Variants in HBP1 observed in about 807,000 individuals in gnomAD.
HBP1 encodes HMG box-containing protein 1.
Under a neutral mutation model 62.6 loss-of-function variants are expected in HBP1, and 20 were observed. The ratio of observed to expected loss-of-function variants is 0.32; its 90% CI spans 0.22 to 0.46. The LOEUF (loss-of-function observed/expected upper bound fraction) is 0.46, where lower values mean the gene tolerates loss of function less well. Ranked by LOEUF, HBP1 falls within the 20% of genes least tolerant of loss-of-function variation. HBP1 has a pLI of 1.00. For missense variants in HBP1, 480 were observed against 611.8 expected, an observed-to-expected ratio of 0.78 and a Z score of 2.27; for synonymous variants, 232 against 206.2, an observed-to-expected ratio of 1.12 and a Z score of -1.07.
chr7:107,198,676 C>G (rs893062615), intron 9 of HBP1, among the ~76,000 whole-genome samples: 1 of 146,390 alleles, frequency 6.8e-6, no homozygotes, highest in Non-Finnish European at 1.5e-5. Context: ...TGCCTTAATT[C>G]AATGAATAAA....
intron 8 of HBP1, among the ~76,000 whole-genome samples, chr7:107,191,848 C>A (rs866235794): frequency 6.6e-6 from 1 of 152,182 alleles, no homozygotes; most frequent in Non-Finnish European, 1.5e-5. Context: ...TCCCTAAAGA[C>A]TAGCCCCCAG....
At chr7:107,172,099 C>T (rs1039993189) in intron 1 of HBP1, among the ~76,000 whole-genome samples, 2 of 151,626 alleles carry the variant, frequency 1.3e-5, no homozygotes, top group African/African-American at 4.8e-5. Flanking sequence ...TTTGGTGCTT[C>T]ATAATTTCTA....
Position 107,182,561 on chromosome 7 carries a change from A to G in HBP1, c.358A>G (p.Ser120Gly). 6.2e-7 allele frequency: 1 copy of G among 1,607,726 alleles called. No individual in the cohort carries two copies. The highest frequency in any genetic ancestry group is 8.5e-7 in the Non-Finnish European group (1 of 1,174,294). Residue 120 changes from serine to glycine, a missense_variant, in exon 3 of 11, where the codon AGT becomes GGT. This residue lies in a region of HBP1 where 304 missense variants were observed against 330.9 expected (regional missense o/e 0.92). Coordinates refer to ENST00000222574, the MANE Select transcript of HBP1 (RefSeq NM_012257.4). Reference protein sequence around the residue: ...WLTELANIATSPQSPLMQCSF... With the variant: ...WLTELANIATGPQSPLMQCSF... ...AACAGAATTGGCAAATATCGCGACC[A>G]GTCCACAAAGTCCACTGATGCAGTG...
chr7:107,182,256 T>C, intron 2 of HBP1, 117 bp from the exon 3 acceptor site: 1 of 626,402 alleles, frequency 1.6e-6, no homozygotes, highest in Non-Finnish European at 2.8e-6. Context: ...AATTTATGAT[T>C]TTCCTCTCTC....
Position 107,171,067 on chromosome 7 carries a change from A to ATTT in HBP1, c.-16+1883_-16+1884insTTT, listed in dbSNP as rs1395508929. Among the ~76,000 whole-genome samples, 39 of 66,666 alleles carry ATTT rather than the reference A, an allele frequency of 5.9e-4. 4 individuals carry two copies. Among genetic ancestry groups the ATTT allele is most frequent in the African/African-American group, 5.0e-3 (36 of 7,184 alleles). The allele number at this position is 66,666 out of a possible 152,430, so 43.7% of individuals were successfully genotyped here. ...TATAAATATATATATATATATATAT[A>ATTT]TATATATTTTTTTTTTTTTTTGAGA... On this transcript the variant is annotated intron_variant, in intron 1 of 10. Transcript: ENST00000222574.
Position 107,180,030 on chromosome 7 carries a change from G to T in HBP1, c.137G>T (p.Gly46Val), listed in dbSNP as rs1375455101. ...QCNENLPSSP[G>V]YNSCDEHMEL... Reference sequence around the variant, plus strand: ...AATGAGAATTTGCCATCTTCACCTGGATATAACTCCTGTGATGAACACATG... The same window carrying T: ...AATGAGAATTTGCCATCTTCACCTGTATATAACTCCTGTGATGAACACATG... The change falls in exon 2 of 11, where the codon GGA (glycine) becomes GTA (valine). Residue 46 changes from glycine (G) to valine (V), a missense_variant. Physicochemically the swap from Gly to Val is moderately radical, Grantham distance 109 (BLOSUM62 -3). Transcript: ENST00000222574. 6.2e-7 allele frequency: 1 copy of T among 1,601,050 alleles called. No homozygotes were observed. Among genetic ancestry groups the T allele is most frequent in the Admixed American group, 1.7e-5 (1 of 59,888 alleles).
At chr7:107,182,259 C>T in intron 2 of HBP1, 114 bp from the exon 3 acceptor site, 1 of 628,362 alleles carries the variant, frequency 1.6e-6, no homozygotes, top group Non-Finnish European at 2.8e-6. Context: ...TTATGATTTT[C>T]CTCTCTCAAA....
intron 1 of HBP1, among the ~76,000 whole-genome samples, chr7:107,177,843 C>CT (rs1562886794): frequency 6.6e-6 from 1 of 151,908 alleles, no homozygotes; most frequent in African/African-American, 2.4e-5. Context: ...AATCATATTC[C>CT]TTTTTTTCCA....
At chr7:107,196,187 G>GT (rs754090828) in intron 9 of HBP1, 36 bp downstream of exon 9, 4 of 1,130,900 alleles carry the variant, frequency 3.5e-6, no homozygotes, top group Non-Finnish European at 5.4e-6. Flanking sequence ...CAATAAATGA[G>GT]TAACACTTCA....
intron 3 of HBP1, among the ~76,000 whole-genome samples, chr7:107,185,368 A>G (rs1797303125): frequency 6.6e-6 from 1 of 152,218 alleles, no homozygotes; most frequent in Non-Finnish European, 1.5e-5. Context: ...TGGTTGGTAG[A>G]TAAAGAGTTC....
At position 107,181,471 on chromosome 7, in the gene HBP1, CA is replaced by C. The variant is rs201310736; in HGVS notation, c.170-893del. Among the ~76,000 whole-genome samples the C allele has an allele frequency of 5.1e-3, 761 of 148,972 alleles. 3 individuals carry two copies. The highest frequency in any genetic ancestry group is 0.016 in the African/African-American group (646 of 40,634). On this transcript the variant is annotated intron_variant, in intron 2 of 10. Coordinates refer to ENST00000222574, the MANE Select transcript of HBP1 (RefSeq NM_012257.4). ...TGGGCAACAGAGTAAGACCCTATCT[CA>C]AAAAAAAATTTTTTTTTTTTTAAGA...
chr7:107,184,038 A>G (rs866607711), intron 3 of HBP1, among the ~76,000 whole-genome samples: 1 of 152,230 alleles, frequency 6.6e-6, no homozygotes, highest in African/African-American at 2.4e-5. Context: ...TAATTTTCAC[A>G]GAGTATTTAG....
At chr7:107,172,917 A>T (rs1172333823) in intron 1 of HBP1, among the ~76,000 whole-genome samples, 1 of 152,188 alleles carries the variant, frequency 6.6e-6, no homozygotes, top group African/African-American at 2.4e-5. Flanking sequence ...AAATAAAAAA[A>T]ACAGGTCCAA....
At chr7:107,201,067 A>G (rs533930749) in intron 10 of HBP1, 11 of 193,668 alleles carry the variant, frequency 5.7e-5, no homozygotes, top group Admixed American at 4.7e-4. Flanking sequence ...AATGCAGGTC[A>G]TATCTGTTTA....
At chr7:107,175,790 C>T (rs1796814458) in intron 1 of HBP1, among the ~76,000 whole-genome samples, 1 of 150,446 alleles carries the variant, frequency 6.6e-6, no homozygotes, top group Non-Finnish European at 1.5e-5. Context: ...AATCCCAGCT[C>T]ACTGCAAGCT....
At position 107,202,301 on chromosome 7, in the gene HBP1, C is replaced by T. The variant is rs1201904121; in HGVS notation, c.*870C>T. On this transcript the variant is annotated 3_prime_UTR_variant, in exon 11 of 11. Coordinates refer to ENST00000222574, the MANE Select transcript of HBP1 (RefSeq NM_012257.4). ...GCAACACTTGCACTTTAATTTTCCTCCAACTGTCTAAAATTAGAGCAAATA... is the reference window on the plus strand; with the variant it reads ...GCAACACTTGCACTTTAATTTTCCTTCAACTGTCTAAAATTAGAGCAAATA... 6.6e-6 allele frequency: 1 copy of T among 152,632 alleles called. No homozygotes were observed. Among genetic ancestry groups the T allele is most frequent in the Non-Finnish European group, 1.5e-5 (1 of 68,030 alleles). 9.5% of individuals were successfully genotyped at this position (152,632 alleles called of 1,614,324 possible).
intron 1 of HBP1, 33 bp downstream of exon 1, chr7:107,169,218 G>T: frequency 1.1e-6 from 1 of 875,788 alleles, no homozygotes; most frequent in Non-Finnish European, 1.5e-6. Flanking sequence ...AAGAGGTGGG[G>T]GTGGGGAAGG....
chr7:107,170,946 TATACATGTATATATATAAAATATATAAC>T (rs1457964025), intron 1 of HBP1, among the ~76,000 whole-genome samples: 92 of 144,228 alleles, frequency 6.4e-4, no homozygotes, highest in African/African-American at 1.3e-3. Context: ...ATATATAACA[TATACATGTATATATATAAAATATATAAC>T]ATACATGTAT....
chr7:107,178,451 A>G (rs1453082756), intron 1 of HBP1, among the ~76,000 whole-genome samples: 3 of 152,238 alleles, frequency 2.0e-5, no homozygotes, highest in Non-Finnish European at 4.4e-5. Context: ...TTTTCCTTTC[A>G]TAATAATATT....
Sources: gnomAD v4.1 joint callset for allele counts (sites outside exome capture counted in the v4.1 genomes callset) on GRCh38, gnomAD v4.1.1 for gene constraint, gnomAD v4.1.1 regional missense constraint, MANE v1.5 for transcripts, NCBI Gene and HGNC (gene_info 2026-07-23, HGNC 2026-07-21) for gene names.